Variants in FBXL13 observed in about 807,000 individuals in gnomAD.
FBXL13 encodes the protein F-box and leucine rich repeat protein 13.
FBXL13 carries 67 observed loss-of-function variants against 83.6 expected under a neutral mutation model. The observed-to-expected ratio is 0.80, with a 90% CI of 0.66 to 0.98. The LOEUF (loss-of-function observed/expected upper bound fraction) is 0.98. Ranked by LOEUF, FBXL13 falls within the 50% of genes least tolerant of loss-of-function variation. The pLI, the probability that FBXL13 is intolerant of heterozygous loss-of-function variation, is 0.00. For missense variants in FBXL13, 822 were observed against 866.5 expected (o/e 0.95, Z 0.64); for synonymous variants, 272 against 299.5 (o/e 0.91, Z 0.95).
chr7:102,892,016 C>T (rs1811597447), intron 11 of FBXL13, among the ~76,000 whole-genome samples: 2 of 152,212 alleles, frequency 1.3e-5, no homozygotes, highest in Non-Finnish European at 2.9e-5. Flanking sequence ...CAGTTCTAAC[C>T]ACATGCTCAC....
chr7:102,911,260 C>A (rs936664564), intron 11 of FBXL13, among the ~76,000 whole-genome samples: 5 of 152,102 alleles, frequency 3.3e-5, no homozygotes, highest in African/African-American at 1.2e-4. Flanking sequence ...GAATATTTAT[C>A]CTTAGGACAC....
At chr7:102,827,736 C>T (rs1562913765) in intron 18 of FBXL13, among the ~76,000 whole-genome samples, 2 of 152,002 alleles carry the variant, frequency 1.3e-5, no homozygotes, top group South Asian at 2.1e-4. Context: ...TCCATGTGTT[C>T]TCATTGTTCA....
intron 18 of FBXL13, among the ~76,000 whole-genome samples, chr7:102,825,446 G>A (rs1799463033): frequency 6.6e-6 from 1 of 152,186 alleles, no homozygotes; most frequent in South Asian, 2.1e-4. Flanking sequence ...CCAGCAAGAA[G>A]GTTCTCCACC....
intron 6 of FBXL13, chr7:102,988,051 G>A (rs1034971790): frequency 1.3e-5 from 2 of 152,230 alleles, no homozygotes; most frequent in Non-Finnish European, 2.9e-5. Context: ...GATGGAATGA[G>A]AAGAACAGAG....
At chr7:103,063,987 G>A (rs1798160203) in intron 1 of FBXL13, among the ~76,000 whole-genome samples, 1 of 152,208 alleles carries the variant, frequency 6.6e-6, no homozygotes, top group Non-Finnish European at 1.5e-5. Flanking sequence ...AAGCTTCAGT[G>A]TGGGTTTAAC....
chr7:102,913,156 C>G (rs17135923), exon 11 of FBXL13: 77,147 of 1,613,898 alleles, frequency 0.048, 2,750 homozygotes, highest in East Asian at 0.22. Context: ...GTACTGTAAG[C>G]CTTTGTCTGT....
chr7:102,929,761 G>GA (rs1818842827), intron 9 of FBXL13, among the ~76,000 whole-genome samples: 1 of 151,916 alleles, frequency 6.6e-6, no homozygotes. Flanking sequence ...AATGAAGGGT[G>GA]ACTGTTGATG....
chr7:103,051,756 G>A (rs1356326082), intron 2 of FBXL13, among the ~76,000 whole-genome samples: 1 of 152,194 alleles, frequency 6.6e-6, no homozygotes, highest in Non-Finnish European at 1.5e-5. Context: ...AACAAAAAAG[G>A]GGAAATGATG....
intron 6 of FBXL13, among the ~76,000 whole-genome samples, chr7:102,987,683 T>C (rs1829129829): frequency 6.6e-6 from 1 of 152,182 alleles, no homozygotes; most frequent in Non-Finnish European, 1.5e-5. Context: ...CTTGAGTGGG[T>C]ATCATACACT....
chr7:102,830,604 C>G (rs560771870), intron 18 of FBXL13, among the ~76,000 whole-genome samples: 1 of 152,266 alleles, frequency 6.6e-6, no homozygotes, highest in Non-Finnish European at 1.5e-5. Flanking sequence ...TTAGTTTTGT[C>G]ACGGTTTACC....
intron 17 of FBXL13, among the ~76,000 whole-genome samples, chr7:102,851,553 T>TTCTCTCTC (rs10602252): frequency 7.0e-6 from 1 of 143,462 alleles, no homozygotes; most frequent in African/African-American, 2.6e-5. Context: ...TTCCTTCTTC[T>TTCTCTCTC]TCTCTCTCTC....
At chr7:102,836,618 A>G (rs1350521207) in intron 17 of FBXL13, among the ~76,000 whole-genome samples, 1 of 152,194 alleles carries the variant, frequency 6.6e-6, no homozygotes, top group Non-Finnish European at 1.5e-5. Context: ...CTCCTTTCCC[A>G]TGTATCAGCC....
At chr7:102,863,475 C>A (rs1312603803) in intron 16 of FBXL13, among the ~76,000 whole-genome samples, 2 of 146,956 alleles carry the variant, frequency 1.4e-5, no homozygotes, top group East Asian at 4.0e-4. Flanking sequence ...AAGGATAAAA[C>A]AGAGTATAAG....
At chr7:102,958,474 T>C (rs1824644722) in intron 8 of FBXL13, among the ~76,000 whole-genome samples, 1 of 151,100 alleles carries the variant, frequency 6.6e-6, no homozygotes, top group Non-Finnish European at 1.5e-5. Context: ...ACATGATACA[T>C]GCATACCTAT....
chr7:102,912,464 T>C (rs1275021951), intron 11 of FBXL13, among the ~76,000 whole-genome samples: 2 of 152,190 alleles, frequency 1.3e-5, no homozygotes, highest in Non-Finnish European at 2.9e-5. Flanking sequence ...AATGAGGCAG[T>C]AGCTACATCC....
chr7:103,013,074 C>T (rs1480167069), intron 6 of FBXL13, among the ~76,000 whole-genome samples: 1 of 152,202 alleles, frequency 6.6e-6, no homozygotes, highest in Admixed American at 6.5e-5. Flanking sequence ...GTAAAGGACT[C>T]AATTCAACAA....
chr7:102,946,080 C>A (rs1455744851), intron 8 of FBXL13, among the ~76,000 whole-genome samples: 1 of 152,140 alleles, frequency 6.6e-6, no homozygotes, highest in Non-Finnish European at 1.5e-5. Flanking sequence ...CGAGGTTTCA[C>A]CATGTTGGTC....
chr7:102,926,960 A>T (rs942617096), intron 9 of FBXL13, among the ~76,000 whole-genome samples: 2 of 152,198 alleles, frequency 1.3e-5, no homozygotes, highest in Non-Finnish European at 2.9e-5. Flanking sequence ...GAGGCTACAT[A>T]CCAGTTGGGC....
chr7:103,068,126 T>C (rs557727224), intron 1 of FBXL13, among the ~76,000 whole-genome samples: 1 of 152,162 alleles, frequency 6.6e-6, no homozygotes, highest in South Asian at 2.1e-4. Context: ...CAAAGATAAC[T>C]GGAAGAAAGG....
Sources: gnomAD v4.1 joint callset for allele counts (sites outside exome capture counted in the v4.1 genomes callset) on GRCh38, gnomAD v4.1.1 for gene constraint, MANE v1.5 for transcripts, NCBI Gene and HGNC (gene_info 2026-07-23, HGNC 2026-07-21) for gene names.